The following PTN variants were observed in gnomAD, a reference collection of about 807,000 sequenced individuals.
The protein encoded by PTN is pleiotrophin.
A neutral mutation model predicts 24.1 loss-of-function variants in PTN; 18 were observed. That is an observed-to-expected ratio of 0.75 (90% CI 0.52 to 1.11). The LOEUF is 1.11. PTN is among the 50% of genes least tolerant of loss of function. The pLI is 0.00. For synonymous variants in PTN, 78 were observed against 68.6 expected, an observed-to-expected ratio of 1.14 and a Z score of -0.67; for missense variants, 163 against 198.8, an observed-to-expected ratio of 0.82 and a Z score of 1.08.
intron 4 of PTN, among the ~76,000 whole-genome samples, chr7:137,243,912 T>C (rs1365321819): frequency 6.6e-6 from 1 of 152,188 alleles, no homozygotes; most frequent in Non-Finnish European, 1.5e-5. Flanking sequence ...CTGTTGACTT[T>C]GGCTGCATTA....
chr7:137,287,810 A>T (rs755340700), intron 1 of PTN: 1 of 152,294 alleles, frequency 6.6e-6, no homozygotes, highest in South Asian at 2.1e-4. Flanking sequence ...TGTGCTCCAA[A>T]ATGTCTATAG....
intron 1 of PTN, among the ~76,000 whole-genome samples, chr7:137,259,932 T>C (rs1304546872): frequency 6.6e-6 from 1 of 152,108 alleles, no homozygotes; most frequent in African/African-American, 2.4e-5. Context: ...ACTTTGCAAC[T>C]ACATATTATA....
chr7:137,324,433 A>AAATATATAT lies in PTN; in HGVS notation c.-2+19005_-2+19006insATATATATT. 2.7e-4 allele frequency among the ~76,000 whole-genome samples: 24 copies of AAATATATAT among 88,762 alleles called. No homozygotes were observed. In the East Asian group the frequency reaches 3.0e-3, roughly 11 times the overall value. The allele number at this position is 88,762 out of a possible 152,430, so 58.2% of individuals were successfully genotyped here. On this transcript the variant is annotated intron_variant, in intron 1 of 4. Transcript: ENST00000348225. ...CCCTGTCTCTAAAAAAAAAAAAAAAAATATATATATATATATATAAATTAA... is the reference window on the plus strand; with the variant it reads ...CCCTGTCTCTAAAAAAAAAAAAAAAAAATATATATATATATATATATATATATAAATTAA...
intron 1 of PTN, among the ~76,000 whole-genome samples, chr7:137,315,947 A>C (rs971675822): frequency 6.6e-6 from 1 of 152,124 alleles, no homozygotes; most frequent in African/African-American, 2.4e-5. Flanking sequence ...CTTTTATTTT[A>C]AGTAGCAAAA....
At chr7:137,278,429 T>C (rs971491867) in intron 1 of PTN, among the ~76,000 whole-genome samples, 11 of 150,628 alleles carry the variant, frequency 7.3e-5, no homozygotes, top group African/African-American at 2.7e-4. Context: ...TTTAAATATA[T>C]ATATTTTCTA....
chr7:137,256,255 G>T (rs1808922987), intron 1 of PTN, among the ~76,000 whole-genome samples: 1 of 152,060 alleles, frequency 6.6e-6, no homozygotes, highest in Admixed American at 6.5e-5. Flanking sequence ...TGTTACACAG[G>T]TATACATGTG....
At chr7:137,243,911 T>C (rs574980628) in intron 4 of PTN, among the ~76,000 whole-genome samples, 12 of 152,274 alleles carry the variant, frequency 7.9e-5, no homozygotes, top group African/African-American at 2.9e-4. Context: ...TCTGTTGACT[T>C]TGGCTGCATT....
chr7:137,337,525 T>G (rs1810468725), intron 1 of PTN, among the ~76,000 whole-genome samples: 1 of 152,204 alleles, frequency 6.6e-6, no homozygotes. Flanking sequence ...GAAGTTATAA[T>G]GAAAATAATG....
chr7:137,274,470 G>A (rs559434811), intron 1 of PTN, among the ~76,000 whole-genome samples: 1 of 151,964 alleles, frequency 6.6e-6, no homozygotes, highest in South Asian at 2.1e-4. Context: ...CCATCAACCC[G>A]TCACCTACAT....
At chr7:137,300,086 A>ATCTT (rs1404105781) in intron 1 of PTN, among the ~76,000 whole-genome samples, 2 of 151,556 alleles carry the variant, frequency 1.3e-5, no homozygotes, top group Non-Finnish European at 2.9e-5. Flanking sequence ...TACAACACTA[A>ATCTT]TCTTTCTTTC....
At chr7:137,311,048 A>G (rs1809973168) in intron 1 of PTN, among the ~76,000 whole-genome samples, 1 of 152,048 alleles carries the variant, frequency 6.6e-6, no homozygotes, top group Non-Finnish European at 1.5e-5. Flanking sequence ...ACTGGTCAAC[A>G]TGGCAAAACC....
At chr7:137,320,452 C>T (rs758632470) in intron 1 of PTN, among the ~76,000 whole-genome samples, 3 of 152,108 alleles carry the variant, frequency 2.0e-5, no homozygotes, top group Non-Finnish European at 4.4e-5. Context: ...CTGTGCTTTC[C>T]TCTTAGAATT....
chr7:137,263,356 TTTGA>T (rs1379532727), intron 1 of PTN, among the ~76,000 whole-genome samples: 1 of 152,218 alleles, frequency 6.6e-6, no homozygotes, highest in Admixed American at 6.5e-5. Flanking sequence ...ACTACTTGCC[TTTGA>T]TTATCTATGT....
rs1809903655 is a variant in PTN, at chr7:137,307,235, C to A, written c.-2+36204G>T. ...CCCTCCTCATTGACTCTTCATCATGCTGGGCCCACTGAAGCACAGCATCTG... is the reference window on the plus strand; with the variant it reads ...CCCTCCTCATTGACTCTTCATCATGATGGGCCCACTGAAGCACAGCATCTG... On this transcript the variant is annotated intron_variant, in intron 1 of 4. Transcript: ENST00000348225. Among the ~76,000 whole-genome samples the A allele has an allele frequency of 3.3e-5, 5 of 152,024 alleles. No homozygotes were observed. The South Asian group carries it at 1.0e-3, about 32-fold the overall frequency.
intron 4 of PTN, among the ~76,000 whole-genome samples, chr7:137,239,244 G>A (rs1011102053): frequency 4.6e-5 from 7 of 152,158 alleles, no homozygotes; most frequent in Non-Finnish European, 8.8e-5. Context: ...CATTTTTGAA[G>A]CCAGTGTGAA....
chr7:137,254,461 A>G (rs77773292), intron 2 of PTN, among the ~76,000 whole-genome samples: 2,966 of 152,178 alleles, frequency 0.019, 95 homozygotes, highest in African/African-American at 0.068. Flanking sequence ...GGAGTGGCAT[A>G]GAGAAGGTGC....
chr7:137,319,697 G>A (rs12668246), intron 1 of PTN, among the ~76,000 whole-genome samples: 60,363 of 152,072 alleles, frequency 0.4, 13,216 homozygotes, highest in South Asian at 0.54. Context: ...ATGAGAAGCC[G>A]GACAAACTGC....
chr7:137,274,234 C>T (rs1024211883), intron 1 of PTN, among the ~76,000 whole-genome samples: 1 of 152,118 alleles, frequency 6.6e-6, no homozygotes, highest in Non-Finnish European at 1.5e-5. Flanking sequence ...TAGAGCAGCT[C>T]CTCCTTCACT....
intron 1 of PTN, among the ~76,000 whole-genome samples, chr7:137,322,679 G>T (rs1053016891): frequency 6.6e-6 from 1 of 152,126 alleles, no homozygotes; most frequent in Admixed American, 6.6e-5. Flanking sequence ...TATTTATCAA[G>T]AGTCATTAGA....
Sources: allele counts gnomAD v4.1 joint callset (sites outside exome capture counted in the v4.1 genomes callset), GRCh38; gene constraint gnomAD v4.1.1; transcripts MANE v1.5; gene names NCBI Gene and HGNC (gene_info 2026-07-23, HGNC 2026-07-21).